Variants in GNG7 observed in about 807,000 individuals in gnomAD.
GNG7 encodes the protein guanine nucleotide-binding protein G(I)/G(S)/G(O) subunit gamma-7.
GNG7 carries 1 observed loss-of-function variant against 4.0 expected under a neutral mutation model. The observed-to-expected ratio is 0.25, with a 90% CI of 0.09 to 1.18. The LOEUF (loss-of-function observed/expected upper bound fraction) is 1.18, where lower values mean the gene tolerates loss of function less well. GNG7 is among the 50% of genes most tolerant of loss of function. The pLI is 0.50. For missense variants in GNG7, 86 were observed against 91.9 expected, an observed-to-expected ratio of 0.94 and a Z score of 0.26; for synonymous variants, 34 against 36.9, an observed-to-expected ratio of 0.92 and a Z score of 0.29.
intron 2 of GNG7, among the ~76,000 whole-genome samples, chr19:2,619,159 A>ATATT (rs1981800438): frequency 6.6e-6 from 1 of 152,272 alleles, no homozygotes; most frequent in African/African-American, 2.4e-5. Context: ...AGTAGAAGGC[A>ATATT]TATAAACAAA....
rs115330945 is a variant in GNG7, at chr19:2,664,360, G to A, written c.-134-18080C>T. ...TGATTGCAAAGGAAGGGGGCAGAGA[G>A]GCCTGGACGGGCTCTCACCCAGGTG... On this transcript the variant is annotated intron_variant, in intron 1 of 4. Transcript: ENST00000382159. Among the ~76,000 whole-genome samples the A allele has an allele frequency of 3.9e-3, 587 of 152,346 alleles. 4 individuals carry two copies. The highest frequency in any genetic ancestry group is 0.013 in the African/African-American group (561 of 41,586).
chr19:2,585,946 C>G (rs963216398), intron 2 of GNG7, among the ~76,000 whole-genome samples: 1 of 152,164 alleles, frequency 6.6e-6, no homozygotes, highest in East Asian at 1.9e-4. Flanking sequence ...GTGATCCACC[C>G]GCCTCGGCCT....
chr19:2,552,355 A>C (rs1979358277), intron 3 of GNG7, among the ~76,000 whole-genome samples: 1 of 152,006 alleles, frequency 6.6e-6, no homozygotes. Flanking sequence ...ACTGTCTCCC[A>C]TCACCTCCAG....
chr19:2,661,270 A>AAAAGAAAGAAAG (rs796432059), intron 1 of GNG7, among the ~76,000 whole-genome samples: 2 of 70,928 alleles, frequency 2.8e-5, no homozygotes, highest in Non-Finnish European at 2.6e-5. Flanking sequence ...AGAAAGAAAG[A>AAAAGAAAGAAAG]AAAGAAAGAA....
chr19:2,533,448 T>A (rs1253663280), intron 3 of GNG7, among the ~76,000 whole-genome samples: 1 of 152,042 alleles, frequency 6.6e-6, no homozygotes, highest in Non-Finnish European at 1.5e-5. Context: ...ACTTCTAGGG[T>A]GATGGCGATG....
intron 2 of GNG7, among the ~76,000 whole-genome samples, chr19:2,628,791 C>T (rs1160809865): frequency 6.6e-6 from 1 of 152,112 alleles, no homozygotes; most frequent in African/African-American, 2.4e-5. Context: ...GAGGTCAGGC[C>T]CACCCAGGAT....
At chr19:2,518,664 G>A (rs182931441) in intron 4 of GNG7, among the ~76,000 whole-genome samples, 42 of 152,224 alleles carry the variant, frequency 2.8e-4, no homozygotes, top group African/African-American at 9.6e-4. Flanking sequence ...ATAAATTCCC[G>A]TGGCCAATAA....
intron 1 of GNG7, among the ~76,000 whole-genome samples, chr19:2,671,317 A>G (rs1305035035): frequency 2.0e-5 from 3 of 151,990 alleles, no homozygotes; most frequent in Admixed American, 2.0e-4. Context: ...CAGTTGCAGG[A>G]AGGCCGAGGA....
chr19:2,566,614 A>T (rs1979917896), intron 2 of GNG7, among the ~76,000 whole-genome samples: 2 of 152,108 alleles, frequency 1.3e-5, no homozygotes, highest in South Asian at 4.2e-4. Context: ...CCCACTGCTA[A>T]AGGACTGGCT....
intron 2 of GNG7, among the ~76,000 whole-genome samples, chr19:2,607,057 C>T (rs1271885392): frequency 1.3e-5 from 2 of 151,274 alleles, no homozygotes; most frequent in Non-Finnish European, 2.9e-5. Context: ...CCTGTCTCCA[C>T]GAAAAATTTA....
Position 2,686,217 on chromosome 19 carries a change from G to A in GNG7, c.-135+16429C>T, listed in dbSNP as rs982211293. Among the ~76,000 whole-genome samples, 56 of 151,766 alleles carry A rather than the reference G, an allele frequency of 3.7e-4. 1 individual carries two copies. Among genetic ancestry groups the A allele is most frequent in the Admixed American group, 2.0e-4 (3 of 15,228 alleles). On this transcript the variant is annotated intron_variant, in intron 1 of 4. Coordinates refer to ENST00000382159, the MANE Select transcript of GNG7 (RefSeq NM_052847.3). ...CTGTCGCCCAGGCTGGAGTGCAGTG[G>A]TGCGATCTCAGCTCACTGCAACCTC...
intron 2 of GNG7, among the ~76,000 whole-genome samples, chr19:2,612,955 G>T (rs1240753061): frequency 6.6e-6 from 1 of 152,050 alleles, no homozygotes; most frequent in Admixed American, 6.6e-5. Context: ...GCCTCCCAAA[G>T]TGTTGAGATT....
chr19:2,556,784 C>G (rs11882207), intron 2 of GNG7, among the ~76,000 whole-genome samples: 26 of 152,182 alleles, frequency 1.7e-4, no homozygotes, highest in African/African-American at 6.3e-4. Context: ...ATACGGACAC[C>G]AGCGCCGGAT....
intron 2 of GNG7, among the ~76,000 whole-genome samples, chr19:2,630,021 G>GTT (rs113883059): frequency 1.4e-5 from 2 of 145,058 alleles, no homozygotes; most frequent in African/African-American, 5.0e-5. Flanking sequence ...AATAAAGGTT[G>GTT]TTTTTTTTTT....
At chr19:2,697,363 C>CAG (rs949978705) in intron 1 of GNG7, among the ~76,000 whole-genome samples, 11 of 152,152 alleles carry the variant, frequency 7.2e-5, no homozygotes, top group African/African-American at 2.7e-4. Flanking sequence ...AGCAACCACA[C>CAG]AGAGAGAGCG....
chr19:2,522,911 C>T (rs1400766780), intron 3 of GNG7, among the ~76,000 whole-genome samples: 1 of 149,918 alleles, frequency 6.7e-6, no homozygotes, highest in Non-Finnish European at 1.5e-5. Flanking sequence ...GTTGCCCAGG[C>T]TGGAGTGCAG....
chr19:2,551,590 C>CTAAACAAATATATATTTATAAATATGT, intron 3 of GNG7, among the ~76,000 whole-genome samples: 1 of 122,566 alleles, frequency 8.2e-6, no homozygotes, highest in African/African-American at 3.0e-5. Context: ...TATAAATATG[C>CTAAACAAATATATATTTATAAATATGT]ATTTATAAAT....
chr19:2,526,992 C>T (rs1177251905), intron 3 of GNG7, among the ~76,000 whole-genome samples: 8 of 151,834 alleles, frequency 5.3e-5, no homozygotes, highest in East Asian at 3.9e-4. Flanking sequence ...ACTACAGGCG[C>T]GCGCCACCAC....
At chr19:2,563,403 C>T (rs1039920735) in intron 2 of GNG7, among the ~76,000 whole-genome samples, 8 of 152,204 alleles carry the variant, frequency 5.3e-5, no homozygotes, top group Non-Finnish European at 8.8e-5. Context: ...ACCCCGTAGT[C>T]GTGACTACCA....
Sources: gnomAD v4.1 joint callset for allele counts (sites outside exome capture counted in the v4.1 genomes callset) on GRCh38, gnomAD v4.1.1 for gene constraint, MANE v1.5 for transcripts, NCBI Gene and HGNC (gene_info 2026-07-23, HGNC 2026-07-21) for gene names.